The following DLG3 variants were observed in gnomAD, a reference collection of about 807,000 sequenced individuals.
The protein encoded by DLG3 is discs large MAGUK scaffold protein 3, also known as disks large homolog 3.
Under a neutral mutation model 64.1 loss-of-function variants are expected in DLG3, and 1 was observed. The observed-to-expected ratio is 0.02, with a 90% CI of 0.01 to 0.07. The LOEUF is 0.07. Ranked by LOEUF, DLG3 falls within the 10% of genes least tolerant of loss-of-function variation. The pLI, the probability that DLG3 is intolerant of heterozygous loss-of-function variation, is 1.00. For missense variants in DLG3, 429 were observed against 669.5 expected, an observed-to-expected ratio of 0.64 and a Z score of 3.96; for synonymous variants, 245 against 259.8, an observed-to-expected ratio of 0.94 and a Z score of 0.55.
chrX:70,470,800 T>C (rs1033664292), intron 9 of DLG3, among the ~76,000 whole-genome samples: 22 of 111,726 alleles, frequency 2.0e-4, no homozygotes, highest in African/African-American at 7.2e-4. Context: ...GGCAGGTAGA[T>C]GGATTTGGAA....
At chrX:70,481,322 T>C (rs1190172379) in intron 10 of DLG3, among the ~76,000 whole-genome samples, 2 of 112,442 alleles carry the variant, frequency 1.8e-5, no homozygotes, top group South Asian at 3.7e-4. Flanking sequence ...TTGTCTTGTA[T>C]CCCTTTGCTT....
chrX:70,477,055 G>A lies in DLG3; in HGVS notation c.1406-2095G>A, dbSNP rs7888234. Among the ~76,000 whole-genome samples the A allele has an allele frequency of 6.4e-3, 726 of 113,082 alleles. 6 individuals carry two copies. The highest frequency in any genetic ancestry group is 0.022 in the African/African-American group (690 of 31,219). ...TATTTTAAGTGGGCCCTCTGGCCCA[G>A]AATTATCAGCCTTGGATTAGGAGCT... On this transcript the variant is annotated intron_variant, in intron 9 of 18. Transcript: ENST00000374360.
intron 9 of DLG3, among the ~76,000 whole-genome samples, chrX:70,459,840 GTT>G (rs2147793387): frequency 9.0e-6 from 1 of 111,282 alleles, no homozygotes; most frequent in African/African-American, 3.3e-5. Context: ...CAGAATAAAA[GTT>G]TGAGTACAGA....
Position 70,444,966 on chromosome X carries a change from C to T in DLG3, c.-236C>T. Reference sequence around the variant, plus strand: ...GCCACGACGGGCGACACGGAGCCGCCAGTGCTGGAGGGGGAGCCGTGGGTG... The same window carrying T: ...GCCACGACGGGCGACACGGAGCCGCTAGTGCTGGAGGGGGAGCCGTGGGTG... On this transcript the variant is annotated 5_prime_UTR_variant, in exon 1 of 19. Coordinates refer to ENST00000374360, the MANE Select transcript of DLG3 (RefSeq NM_021120.4). The T allele has an allele frequency of 4.3e-6, 1 of 234,372 alleles. No individual in the cohort carries two copies. 19.3% of individuals were successfully genotyped at this position (234,372 alleles called of 1,213,427 possible). A position where few individuals can be genotyped will look rare whatever the true frequency, so the allele number is the denominator to read the frequency against.
intron 9 of DLG3, among the ~76,000 whole-genome samples, chrX:70,477,697 T>A (rs1190507548): frequency 8.9e-6 from 1 of 111,934 alleles, no homozygotes; most frequent in Non-Finnish European, 1.9e-5. Flanking sequence ...TGAGGACAAA[T>A]CACCATAACA....
At chrX:70,466,542 G>A (rs1444138606) in intron 9 of DLG3, among the ~76,000 whole-genome samples, 3 of 107,603 alleles carry the variant, frequency 2.8e-5, no homozygotes, top group Non-Finnish European at 5.8e-5. Context: ...AGGTTCAAGC[G>A]ATTCTCCTGC....
At chrX:70,487,792 C>T (rs5936561) in intron 10 of DLG3, among the ~76,000 whole-genome samples, 2,375 of 109,513 alleles carry the variant, frequency 0.022, 35 homozygotes, top group Non-Finnish European at 0.037. Flanking sequence ...GCTGGGATTA[C>T]AGGCATGCAC....
chrX:70,489,718 A>G (rs1417202639), intron 10 of DLG3, among the ~76,000 whole-genome samples: 7 of 111,979 alleles, frequency 6.3e-5, no homozygotes, highest in Non-Finnish European at 1.1e-4. Flanking sequence ...TATACACTTC[A>G]GCTTGTTACT....
chrX:70,448,742 T>G, intron 1 of DLG3, 171 bp from the exon 2 acceptor site: 1 of 968,466 alleles, frequency 1.0e-6, no homozygotes, highest in Non-Finnish European at 1.4e-6. Flanking sequence ...GTGGGGTGAG[T>G]GAGGAGCGGC....
chrX:70,502,465 T>C lies in DLG3; in HGVS notation c.*196T>C. On this transcript the variant is annotated 3_prime_UTR_variant, in exon 19 of 19. Transcript: ENST00000374360. ...GTTTTTGTTTGTTTCAGTTTATTTTTTGGGATGATGCCATCTCATTCATCA... is the reference window on the plus strand; with the variant it reads ...GTTTTTGTTTGTTTCAGTTTATTTTCTGGGATGATGCCATCTCATTCATCA... 2.5e-6 allele frequency: 1 copy of C among 400,132 alleles called. No individual in the cohort carries two copies. The highest frequency in any genetic ancestry group is 4.3e-5 in the Admixed American group (1 of 23,389). 33.0% of individuals were successfully genotyped at this position (400,132 alleles called of 1,213,427 possible).
chrX:70,472,645 T>A (rs1344275631), intron 9 of DLG3, among the ~76,000 whole-genome samples: 1 of 112,047 alleles, frequency 8.9e-6, no homozygotes, highest in Non-Finnish European at 1.9e-5. Context: ...GTTTGGATGC[T>A]GTAAGAGCAG....
intron 10 of DLG3, among the ~76,000 whole-genome samples, chrX:70,486,426 G>A (rs1392179680): frequency 1.8e-5 from 2 of 111,354 alleles, no homozygotes; most frequent in African/African-American, 6.5e-5. Context: ...CCCTAACTTG[G>A]AGGCCTCAAT....
rs748814714 is a variant in DLG3 at position 70,488,588 on chromosome X, G to A, written c.1521-3519G>A. The stretch of plus-strand genomic sequence containing the variant: ...ATGACAAAGGAAGGGATTGTTGAGG[G>A]AATTGGGAATGATTAGCCTGGTAGA... On this transcript the variant is annotated intron_variant, in intron 10 of 18. Coordinates refer to ENST00000374360, the MANE Select transcript of DLG3 (RefSeq NM_021120.4). Among the ~76,000 whole-genome samples the A allele has an allele frequency of 4.5e-5, 5 of 112,030 alleles. No homozygotes were observed. In the South Asian group the frequency reaches 1.9e-3, roughly 42 times the overall value.
chrX:70,497,907 G>A (rs1035388543), intron 13 of DLG3, among the ~76,000 whole-genome samples: 1 of 111,936 alleles, frequency 8.9e-6, no homozygotes, highest in African/African-American at 3.2e-5. Context: ...GTGGCTTGAC[G>A]ACTGTTTTAG....
At chrX:70,494,715 T>C (rs192632400) in intron 12 of DLG3, among the ~76,000 whole-genome samples, 48 of 112,265 alleles carry the variant, frequency 4.3e-4, no homozygotes, top group Admixed American at 2.6e-3. Flanking sequence ...TGCTCAGTGG[T>C]CCCGCCTGGT....
In DLG3 at chrX:70,502,450, G is replaced by C; in HGVS notation, c.*181G>C. The C allele has an allele frequency of 7.3e-6, 3 of 413,150 alleles. No individual in the cohort carries two copies. Among genetic ancestry groups the C allele is most frequent in the Non-Finnish European group, 1.3e-5 (3 of 238,726 alleles). The allele number at this position is 413,150 out of a possible 1,213,427, so 34.0% of individuals were successfully genotyped here. A position where few individuals can be genotyped will look rare whatever the true frequency, so the allele number is the denominator to read the frequency against. Reference sequence around the variant, plus strand: ...TTTTTTTTTTTTTAAGTTTTTGTTTGTTTCAGTTTATTTTTTGGGATGATG... The same window carrying C: ...TTTTTTTTTTTTTAAGTTTTTGTTTCTTTCAGTTTATTTTTTGGGATGATG... On this transcript the variant is annotated 3_prime_UTR_variant, in exon 19 of 19. Transcript: ENST00000374360.
At chrX:70,498,777 G>T (rs1463005679) in intron 14 of DLG3, among the ~76,000 whole-genome samples, 5 of 111,756 alleles carry the variant, frequency 4.5e-5, no homozygotes, top group Non-Finnish European at 9.4e-5. Context: ...TTCTCTCTGT[G>T]CCTTTGCCTG....
intron 9 of DLG3, among the ~76,000 whole-genome samples, chrX:70,461,158 T>C (rs12012008): frequency 4.2e-4 from 47 of 111,918 alleles, no homozygotes; most frequent in African/African-American, 1.5e-3. Context: ...ACATTTAGGC[T>C]GCAACATTTT....
At chrX:70,497,042 C>A in intron 13 of DLG3, 1 of 603,995 alleles carries the variant, frequency 1.7e-6, no homozygotes, top group Non-Finnish European at 2.8e-6. Flanking sequence ...CAGTTGGTAG[C>A]CTGGATGTGG....
Sources: gnomAD v4.1 joint callset for allele counts (sites outside exome capture counted in the v4.1 genomes callset) on GRCh38, gnomAD v4.1.1 for gene constraint, MANE v1.5 for transcripts, NCBI Gene and HGNC (gene_info 2026-07-23, HGNC 2026-07-21) for gene names.